The following SMG7 variants were observed in gnomAD, a reference collection of about 807,000 sequenced individuals.
SMG7 encodes nonsense-mediated mRNA decay factor SMG7.
SMG7 carries 34 observed loss-of-function variants against 148.2 expected under a neutral mutation model. The observed-to-expected ratio is 0.23, with a 90% CI of 0.17 to 0.31. The LOEUF (loss-of-function observed/expected upper bound fraction) is 0.31. Among genes scored for constraint, SMG7 ranks in the 10% least tolerant of loss-of-function variants. The pLI, the probability that SMG7 is intolerant of heterozygous loss-of-function variation, is 1.00. For missense variants in SMG7, 1,114 were observed against 1,408.4 expected, an observed-to-expected ratio of 0.79 and a Z score of 3.35; for synonymous variants, 492 against 515.1, an observed-to-expected ratio of 0.96 and a Z score of 0.61.
rs1671146347 is a variant in SMG7, at chr1:183,551,983, G to A, written c.*52G>A. On this transcript the variant is annotated 3_prime_UTR_variant, in exon 23 of 23. Transcript: ENST00000688051. ...GGCTCCATAAACCATGGCATGTTGG[G>A]TTTGCAGGACTGGCCCACACAGTCC... The A allele has an allele frequency of 3.8e-6, 6 of 1,596,682 alleles. No individual in the cohort carries two copies. Among genetic ancestry groups the A allele is most frequent in the Non-Finnish European group, 5.1e-6 (6 of 1,170,136 alleles).
intron 18 of SMG7, among the ~76,000 whole-genome samples, chr1:183,548,430 T>A (rs1222987920): frequency 6.6e-6 from 1 of 152,234 alleles, no homozygotes; most frequent in African/African-American, 2.4e-5. Flanking sequence ...TTCCTGTTCC[T>A]GTTCCCTTAG....
chr1:183,537,026 G>T, intron 10 of SMG7, 119 bp from the exon 11 acceptor site: 1 of 660,042 alleles, frequency 1.5e-6, no homozygotes. Context: ...CCTTTGAAAT[G>T]CTGAAATAAG....
At chr1:183,546,420 A>C (rs1380697464) in intron 17 of SMG7, 83 bp downstream of exon 17, 1 of 1,431,568 alleles carries the variant, frequency 7.0e-7, no homozygotes, top group Non-Finnish European at 9.5e-7. Flanking sequence ...TAGATCTTAT[A>C]AAAAGGCCAC....
chr1:183,553,340 A>T lies in SMG7; in HGVS notation c.*1409A>T. On this transcript the variant is annotated 3_prime_UTR_variant, in exon 23 of 23. Coordinates refer to ENST00000688051, the MANE Select transcript of SMG7 (RefSeq NM_001375584.1). ...AATTATGGAAACAATCTAATTGTTC[A>T]ATTGCTGTGCTAGTGGTAGGGTTTA... 2 of 928,894 alleles carry T rather than the reference A, an allele frequency of 2.2e-6. No individual in the cohort carries two copies. Among genetic ancestry groups the T allele is most frequent in the Non-Finnish European group, 3.1e-6 (2 of 635,810 alleles). 57.5% of individuals were successfully genotyped at this position (928,894 alleles called of 1,614,324 possible).
intron 16 of SMG7, among the ~76,000 whole-genome samples, chr1:183,545,711 T>C (rs979090735): frequency 4.6e-5 from 7 of 152,170 alleles, no homozygotes; most frequent in African/African-American, 1.4e-4. Context: ...AAACAAACAC[T>C]CTTATGCAAA....
At chr1:183,511,709 C>T (rs1298868094) in intron 1 of SMG7, among the ~76,000 whole-genome samples, 1 of 152,078 alleles carries the variant, frequency 6.6e-6, no homozygotes, top group African/African-American at 2.4e-5. Flanking sequence ...TTAAAAGATT[C>T]CTCTGACAGC....
In SMG7 at chr1:183,550,202, A is replaced by C. The variant is rs1670742891; in HGVS notation, c.3133+279A>C. The C allele has an allele frequency of 9.9e-6, 3 of 304,302 alleles. No homozygotes were observed. The East Asian group carries it at 1.8e-4, about 19-fold the overall frequency. The allele number at this position is 304,302 out of a possible 1,614,324, so 18.9% of individuals were successfully genotyped here. On this transcript the variant is annotated intron_variant, in intron 20 of 22. Transcript: ENST00000688051. ...ATCTTATGGTTCTCAGCTGCTTTTT[A>C]GTTTTATTTGTAGGTGTTCATTCTT...
chr1:183,498,756 C>A (rs145523021), intron 1 of SMG7, among the ~76,000 whole-genome samples: 1 of 152,316 alleles, frequency 6.6e-6, no homozygotes, highest in Non-Finnish European at 1.5e-5. Context: ...TACATTGACA[C>A]ATCATATTCA....
At chr1:183,514,971 G>C (rs991883565) in intron 2 of SMG7, among the ~76,000 whole-genome samples, 1 of 152,148 alleles carries the variant, frequency 6.6e-6, no homozygotes, top group African/African-American at 2.4e-5. Flanking sequence ...GTAGCAAAAC[G>C]AAGTAGCCCA....
intron 1 of SMG7, among the ~76,000 whole-genome samples, chr1:183,506,034 G>A (rs1320906013): frequency 6.6e-6 from 1 of 152,122 alleles, no homozygotes; most frequent in Non-Finnish European, 1.5e-5. Flanking sequence ...CTCACAATTT[G>A]TTCTGTCTGG....
rs188983246 is a variant in SMG7 at position 183,511,493 on chromosome 1, A to C, written c.30-1344A>C. On this transcript the variant is annotated intron_variant, in intron 1 of 22. Transcript: ENST00000688051. ...TCTTTTATAAAGACCCCTAGTGTGA[A>C]AGAAGCAGGGTATACTGGAGAAACT... Among the ~76,000 whole-genome samples the C allele has an allele frequency of 4.6e-5, 7 of 152,298 alleles. No homozygotes were observed. In the East Asian group the frequency reaches 1.4e-3, roughly 29 times the overall value.
rs1290291961 is a variant in SMG7, at chr1:183,547,277, T to G, written c.2892+25T>G. 4 of 1,543,646 alleles carry G rather than the reference T, an allele frequency of 2.6e-6. No individual in the cohort carries two copies. The South Asian group carries it at 4.8e-5, about 19-fold the overall frequency. On this transcript the variant is annotated intron_variant, in intron 18 of 22. Transcript: ENST00000688051. ...TGTATGTATTTGACATAATTCTGCT[T>G]CTTGGTCTAACCCCCAGCTGCTTCT...
chr1:183,500,257 A>AT (rs1191142404), intron 1 of SMG7, among the ~76,000 whole-genome samples: 2 of 152,148 alleles, frequency 1.3e-5, no homozygotes, highest in African/African-American at 4.8e-5. Flanking sequence ...TATTATATAG[A>AT]TTCCACTACG....
intron 4 of SMG7, among the ~76,000 whole-genome samples, chr1:183,522,262 A>G (rs1558017064): frequency 6.6e-6 from 1 of 152,210 alleles, no homozygotes; most frequent in East Asian, 1.9e-4. Context: ...TAAAATCATA[A>G]AAATTTTATG....
rs930765047 is a variant in SMG7, at chr1:183,552,970, C to T, written c.*1039C>T. 1.8e-5 allele frequency: 27 copies of T among 1,536,046 alleles called. No individual in the cohort carries two copies. Among genetic ancestry groups the T allele is most frequent in the Non-Finnish European group, 2.1e-5 (24 of 1,146,760 alleles). ...TCCTAATGTGTGCAACATCACATCT[C>T]CCCAAGAAGCAACAGCATGGGGTCC... On this transcript the variant is annotated 3_prime_UTR_variant, in exon 23 of 23. Coordinates refer to ENST00000688051, the MANE Select transcript of SMG7 (RefSeq NM_001375584.1).
At chr1:183,495,657 T>A (rs1243467251) in intron 1 of SMG7, among the ~76,000 whole-genome samples, 1 of 152,046 alleles carries the variant, frequency 6.6e-6, no homozygotes, top group Non-Finnish European at 1.5e-5. Flanking sequence ...GATCATGAGG[T>A]CAGGAGTTCG....
chr1:183,519,538 T>C (rs989074621), intron 4 of SMG7, among the ~76,000 whole-genome samples: 1 of 151,806 alleles, frequency 6.6e-6, no homozygotes, highest in African/African-American at 2.4e-5. Context: ...CAAAGAAATA[T>C]CTAGACTAAA....
intron 1 of SMG7, among the ~76,000 whole-genome samples, chr1:183,492,705 G>C (rs1571816696): frequency 6.6e-6 from 1 of 151,972 alleles, no homozygotes; most frequent in Non-Finnish European, 1.5e-5. Flanking sequence ...TTTGTTTTCT[G>C]CTCTTCACTA....
intron 1 of SMG7, among the ~76,000 whole-genome samples, chr1:183,491,085 C>G (rs1656847236): frequency 1.3e-5 from 2 of 152,216 alleles, no homozygotes; most frequent in Non-Finnish European, 2.9e-5. Flanking sequence ...GCTTTTAGAC[C>G]CCTTGCAGTC....
Sources: allele counts gnomAD v4.1 joint callset (sites outside exome capture counted in the v4.1 genomes callset), GRCh38; gene constraint gnomAD v4.1.1; transcripts MANE v1.5; gene names NCBI Gene and HGNC (gene_info 2026-07-23, HGNC 2026-07-21).